The following NUF2 variants were observed in gnomAD, a reference collection of about 807,000 sequenced individuals.
NUF2 encodes kinetochore protein Nuf2.
Under a neutral mutation model 61.8 loss-of-function variants are expected in NUF2, and 34 were observed. The ratio of observed to expected loss-of-function variants is 0.55; its 90% CI spans 0.42 to 0.73. The LOEUF is 0.73. Ranked by LOEUF, NUF2 falls within the 30% of genes least tolerant of loss-of-function variation. The pLI, the probability that NUF2 is intolerant of heterozygous loss-of-function variation, is 0.00. For synonymous variants in NUF2, 172 were observed against 181.6 expected (o/e 0.95, Z 0.42); for missense variants, 445 against 539.1 (o/e 0.83, Z 1.73).
rs376561383 is a variant in NUF2 at position 163,339,400 on chromosome 1, C to T, written c.529C>T (p.Gln177Ter). ...ERLDSVPVEEQEEFKQLSDGI... is the reference protein window; with the variant it reads ...ERLDSVPVEE The stretch of plus-strand genomic sequence containing the variant: ...GTTAAGTTCTGTTCCAGTTGAAGAG[C>T]AAGAAGAGTTCAAGCAGCTTTCAGA... Residue 177 changes from glutamine to a stop codon, truncating the protein, a stop_gained, in exon 8 of 14, where the codon CAA (glutamine) becomes TAA (stop). Transcript: ENST00000271452. LOFTEE classifies it high-confidence loss of function. 3.1e-6 allele frequency: 5 copies of T among 1,610,866 alleles called. No homozygotes were observed. The highest frequency in any genetic ancestry group is 2.5e-6 in the Non-Finnish European group (3 of 1,177,504).
intron 1 of NUF2, among the ~76,000 whole-genome samples, chr1:163,324,049 A>T (rs920150398): frequency 2.0e-5 from 3 of 152,154 alleles, no homozygotes; most frequent in Admixed American, 6.5e-5. Flanking sequence ...CTACATTTTA[A>T]GAAGACATTT....
intron 13 of NUF2, among the ~76,000 whole-genome samples, chr1:163,349,806 G>A (rs1440158847): frequency 6.6e-6 from 1 of 152,012 alleles, no homozygotes; most frequent in Non-Finnish European, 1.5e-5. Context: ...GAAAGGTAGT[G>A]GAGTGAGGAA....
chr1:163,348,016 A>C (rs957851417), intron 12 of NUF2, 78 bp downstream of exon 12: 6 of 1,104,996 alleles, frequency 5.4e-6, no homozygotes, highest in Non-Finnish European at 6.1e-6. Flanking sequence ...AGGATTTCAA[A>C]ACCTCGGTAT....
intron 5 of NUF2, among the ~76,000 whole-genome samples, chr1:163,336,059 ATGTTT>A (rs1182442786): frequency 1.3e-5 from 2 of 149,388 alleles, no homozygotes; most frequent in African/African-American, 4.9e-5. Flanking sequence ...TATTTGTGTT[ATGTTT>A]TAATATGTTT....
intron 13 of NUF2, among the ~76,000 whole-genome samples, chr1:163,353,128 A>G (rs375088059): frequency 2.0e-5 from 3 of 152,180 alleles, no homozygotes; most frequent in Non-Finnish European, 4.4e-5. Flanking sequence ...TGCACTAGCT[A>G]TATTTCAGGT....
intron 1 of NUF2, among the ~76,000 whole-genome samples, chr1:163,322,688 C>T (rs759488689): frequency 1.5e-4 from 23 of 152,170 alleles, no homozygotes; most frequent in Non-Finnish European, 8.8e-5. Flanking sequence ...TTTATTTTAA[C>T]AAAACGAAGT....
intron 5 of NUF2, among the ~76,000 whole-genome samples, chr1:163,335,565 G>T (rs956100596): frequency 8.7e-5 from 13 of 150,238 alleles, no homozygotes; most frequent in Non-Finnish European, 1.0e-4. Flanking sequence ...TTTGTTTTTG[G>T]TTTTTTTTTG....
At chr1:163,330,377 A>G (rs1571377788) in intron 5 of NUF2, among the ~76,000 whole-genome samples, 1 of 152,294 alleles carries the variant, frequency 6.6e-6, no homozygotes, top group African/African-American at 2.4e-5. Context: ...TTAAAAATTA[A>G]TTGACTGTAT....
intron 5 of NUF2, among the ~76,000 whole-genome samples, chr1:163,336,453 A>G (rs1376749245): frequency 6.6e-6 from 1 of 152,126 alleles, no homozygotes; most frequent in Non-Finnish European, 1.5e-5. Flanking sequence ...CCTTTTATCC[A>G]GCATCTAAAA....
rs1012996864 is a variant in NUF2, at chr1:163,349,000, A to G, written c.1180A>G (p.Ile394Val). ...RGAVYERVTT[I>V]NQEIQKIKLG... ...TGCTGTCTATGAACGAGTAACCACAATTAATCAAGAAATCCAAAAAATTAA... is the reference window on the plus strand; with the variant it reads ...TGCTGTCTATGAACGAGTAACCACAGTTAATCAAGAAATCCAAAAAATTAA... The change falls in exon 13 of 14, where the codon ATT (isoleucine) becomes GTT (valine). Residue 394 changes from isoleucine to valine, a missense_variant. Ile to Val is a conservative substitution (Grantham distance 29, BLOSUM62 3). Coordinates refer to ENST00000271452, the MANE Select transcript of NUF2 (RefSeq NM_145697.3). 2.5e-6 allele frequency: 4 copies of G among 1,611,646 alleles called. No individual in the cohort carries two copies. Among genetic ancestry groups the G allele is most frequent in the Non-Finnish European group, 3.4e-6 (4 of 1,179,298 alleles).
Position 163,355,680 on chromosome 1 carries a change from T to C in NUF2, c.*211T>C, listed in dbSNP as rs1651464865. ...AATAACTTGTGCAGCTATTCATGTC[T>C]CTACTCTGCCCCTTGTTGTAAATAG... On this transcript the variant is annotated 3_prime_UTR_variant, in exon 14 of 14. Transcript: ENST00000271452. The C allele has an allele frequency of 1.2e-5, 4 of 332,670 alleles. No homozygotes were observed. Among genetic ancestry groups the C allele is most frequent in the Non-Finnish European group, 2.2e-5 (4 of 181,438 alleles). The allele number at this position is 332,670 out of a possible 1,614,324, so 20.6% of individuals were successfully genotyped here. A position where few individuals can be genotyped will look rare whatever the true frequency, so the allele number is the denominator to read the frequency against.
chr1:163,349,147 C>A, intron 13 of NUF2, 67 bp downstream of exon 13: 2 of 1,343,782 alleles, frequency 1.5e-6, no homozygotes, highest in Non-Finnish European at 2.0e-6. Flanking sequence ...TTAACTGAAA[C>A]AAAACAGCTT....
chr1:163,326,297 G>T (rs1346989089), intron 2 of NUF2, 123 bp downstream of exon 2: 3 of 804,802 alleles, frequency 3.7e-6, no homozygotes, highest in Non-Finnish European at 5.7e-6. Context: ...CATTTTCATT[G>T]AGAGAGAATC....
At chr1:163,325,582 G>A (rs1007168217) in intron 1 of NUF2, among the ~76,000 whole-genome samples, 5 of 151,968 alleles carry the variant, frequency 3.3e-5, no homozygotes, top group Non-Finnish European at 5.9e-5. Flanking sequence ...TAATGAATAG[G>A]ATGTCAAAAC....
In NUF2 at chr1:163,336,786, A is replaced by G; in HGVS notation, c.373A>G (p.Ile125Val). The G allele has an allele frequency of 9.9e-6, 16 of 1,613,098 alleles. No homozygotes were observed. Among genetic ancestry groups the G allele is most frequent in the Non-Finnish European group, 1.4e-5 (16 of 1,179,326 alleles). Residue 125 changes from isoleucine (I) to valine (V), a missense_variant, in exon 6 of 14, where the codon ATC becomes GTC. By Grantham distance (29) the Ile-to-Val change is conservative. Transcript: ENST00000271452. Reference sequence around the variant, plus strand: ...GACAAGTCGGTTTTTAAGTGGCATTATCAACTTTATTCACTTCAGAGAAGC... The same window carrying G: ...GACAAGTCGGTTTTTAAGTGGCATTGTCAACTTTATTCACTTCAGAGAAGC... ...KRTSRFLSGI[I>V]NFIHFREACR...
chr1:163,353,395 G>T (rs780134107), intron 13 of NUF2, among the ~76,000 whole-genome samples: 10 of 152,216 alleles, frequency 6.6e-5, no homozygotes, highest in South Asian at 2.1e-4. Flanking sequence ...AGAACTTTCT[G>T]CTGTAATGAG....
intron 12 of NUF2, among the ~76,000 whole-genome samples, chr1:163,348,489 G>A (rs976061353): frequency 5.3e-5 from 8 of 152,052 alleles, no homozygotes; most frequent in African/African-American, 1.9e-4. Flanking sequence ...TAAAAGGTGC[G>A]TCAGAGATCA....
chr1:163,327,685 A>T (rs1202900046), intron 3 of NUF2, 123 bp downstream of exon 3: 2 of 631,678 alleles, frequency 3.2e-6, no homozygotes, highest in African/African-American at 1.8e-5. Context: ...CTTTATTTTT[A>T]ACAAATTCAA....
At chr1:163,330,495 G>T (rs1650558351) in intron 5 of NUF2, among the ~76,000 whole-genome samples, 2 of 152,068 alleles carry the variant, frequency 1.3e-5, no homozygotes, top group South Asian at 4.1e-4. Flanking sequence ...TGAAATCAGT[G>T]TTACTCCTCT....
Sources: gnomAD v4.1 joint callset for allele counts (sites outside exome capture counted in the v4.1 genomes callset) on GRCh38, gnomAD v4.1.1 for gene constraint, MANE v1.5 for transcripts, NCBI Gene and HGNC (gene_info 2026-07-23, HGNC 2026-07-21) for gene names.